Variants in BRINP1 observed in about 807,000 individuals in gnomAD.
The protein encoded by BRINP1 is BMP/retinoic acid inducible neural specific 1, also known as BMP/retinoic acid-inducible neural-specific protein 1.
A neutral mutation model predicts 72.9 loss-of-function variants in BRINP1; 17 were observed. The ratio of observed to expected loss-of-function variants is 0.23; its 90% CI spans 0.16 to 0.35. The LOEUF (loss-of-function observed/expected upper bound fraction) is 0.35. Ranked by LOEUF, BRINP1 falls within the 10% of genes least tolerant of loss-of-function variation. The pLI is 1.00. For missense variants in BRINP1, 850 were observed against 1,001.6 expected (o/e 0.85, Z 2.04); for synonymous variants, 418 against 378.5 (o/e 1.10, Z -1.21).
At chr9:119,367,722 G>A (rs13297085) in intron 1 of BRINP1, among the ~76,000 whole-genome samples, 139 of 152,170 alleles carry the variant, frequency 9.1e-4, no homozygotes, top group Non-Finnish European at 1.7e-3. Context: ...GGTGCAAACC[G>A]ACAGCAGTTT....
intron 1 of BRINP1, among the ~76,000 whole-genome samples, chr9:119,331,593 G>A (rs1309905313): frequency 1.3e-5 from 2 of 152,146 alleles, no homozygotes; most frequent in African/African-American, 2.4e-5. Context: ...GTGTTTCTTT[G>A]TAAATATGTA....
At chr9:119,198,390 C>A (rs546449961) in intron 7 of BRINP1, among the ~76,000 whole-genome samples, 1 of 152,284 alleles carries the variant, frequency 6.6e-6, no homozygotes, top group African/African-American at 2.4e-5. Context: ...CTCTCCATCA[C>A]GCCATGCAGA....
intron 7 of BRINP1, among the ~76,000 whole-genome samples, chr9:119,189,894 A>G (rs537349290): frequency 6.6e-6 from 1 of 152,198 alleles, no homozygotes; most frequent in South Asian, 2.1e-4. Context: ...CACATGGTAC[A>G]TTCTCCAGGA....
chr9:119,185,126 A>G (rs556821759), intron 7 of BRINP1, among the ~76,000 whole-genome samples: 6 of 152,226 alleles, frequency 3.9e-5, no homozygotes, highest in Admixed American at 2.6e-4. Context: ...TAGAATGCAC[A>G]TTGGGGATTA....
chr9:119,196,245 C>A (rs553390053), intron 7 of BRINP1, among the ~76,000 whole-genome samples: 1 of 152,178 alleles, frequency 6.6e-6, no homozygotes, highest in Non-Finnish European at 1.5e-5. Flanking sequence ...CTCAGTTCTA[C>A]TGAATCAAAA....
intron 1 of BRINP1, among the ~76,000 whole-genome samples, chr9:119,359,250 G>T (rs1000937749): frequency 6.6e-6 from 1 of 152,174 alleles, no homozygotes; most frequent in African/African-American, 2.4e-5. Context: ...CTGAATTGCA[G>T]TGGCATGATC....
rs371859158 is a variant in BRINP1 at position 119,242,041 on chromosome 9, C to G, written c.579+6G>C. The G allele has an allele frequency of 7.9e-5, 128 of 1,613,136 alleles. No homozygotes were observed. In the African/African-American group the frequency reaches 1.4e-3, roughly 17 times the overall value. The stretch of plus-strand genomic sequence containing the variant: ...CCTGTCGCCCAAATCCACCCCGGAG[C>G]TGTACCTTGATTGCTCCAGTTGATA... On this transcript the variant is annotated splice_donor_region_variant and intron_variant, in intron 4 of 7. Coordinates refer to ENST00000265922, the MANE Select transcript of BRINP1 (RefSeq NM_014618.3).
At chr9:119,336,353 G>C (rs1232161845) in intron 1 of BRINP1, among the ~76,000 whole-genome samples, 2 of 152,154 alleles carry the variant, frequency 1.3e-5, no homozygotes, top group Non-Finnish European at 2.9e-5. Context: ...TACATACGTT[G>C]ATTTATTTTT....
chr9:119,181,793 A>G (rs1829560968), intron 7 of BRINP1, among the ~76,000 whole-genome samples: 1 of 152,194 alleles, frequency 6.6e-6, no homozygotes, highest in South Asian at 2.1e-4. Context: ...GAATCCAAAA[A>G]GAAAAAAAAA....
chr9:119,317,711 T>C (rs1831139330), intron 1 of BRINP1, among the ~76,000 whole-genome samples: 1 of 152,214 alleles, frequency 6.6e-6, no homozygotes, highest in African/African-American at 2.4e-5. Flanking sequence ...GCAAACCTCA[T>C]TGTTGTCTAA....
chr9:119,269,131 G>A (rs906543030), intron 2 of BRINP1, among the ~76,000 whole-genome samples: 2 of 152,140 alleles, frequency 1.3e-5, no homozygotes, highest in Non-Finnish European at 2.9e-5. Flanking sequence ...GCCACACAGA[G>A]GTGCTCATAA....
chr9:119,213,100 C>T (rs575754813), intron 6 of BRINP1, among the ~76,000 whole-genome samples: 4 of 152,276 alleles, frequency 2.6e-5, no homozygotes, highest in African/African-American at 9.6e-5. Flanking sequence ...CTGTAATCAC[C>T]TTCTCATATC....
At chr9:119,242,316 C>T (rs2118912370) in intron 3 of BRINP1, 100 bp from the exon 4 acceptor site, 3 of 925,476 alleles carry the variant, frequency 3.2e-6, no homozygotes, top group East Asian at 5.2e-5. Flanking sequence ...AATCTCCAAC[C>T]AATGTGGCCC....
intron 2 of BRINP1, among the ~76,000 whole-genome samples, chr9:119,309,497 G>A (rs1831037617): frequency 6.6e-6 from 1 of 152,176 alleles, no homozygotes; most frequent in Non-Finnish European, 1.5e-5. Context: ...GTGTGGCTAT[G>A]AGGAGTTAAT....
intron 5 of BRINP1, 65 bp from the exon 6 acceptor site, chr9:119,214,220 C>T: frequency 8.2e-7 from 1 of 1,218,970 alleles, no homozygotes; most frequent in Non-Finnish European, 1.2e-6. Flanking sequence ...TTAACAATTT[C>T]CAAAGGTGAT....
intron 2 of BRINP1, among the ~76,000 whole-genome samples, chr9:119,288,158 G>A (rs1017653855): frequency 2.0e-5 from 3 of 152,180 alleles, no homozygotes; most frequent in African/African-American, 7.2e-5. Context: ...CATGCAAAAG[G>A]ATTCCTTCCC....
intron 5 of BRINP1, among the ~76,000 whole-genome samples, chr9:119,215,331 G>T (rs1164820192): frequency 5.3e-5 from 8 of 152,182 alleles, no homozygotes; most frequent in Admixed American, 4.6e-4. Context: ...CCTATGAAAA[G>T]TCAGCAGAGT....
intron 1 of BRINP1, among the ~76,000 whole-genome samples, chr9:119,355,124 T>G (rs1370001162): frequency 2.6e-5 from 4 of 152,118 alleles, no homozygotes; most frequent in Non-Finnish European, 5.9e-5. Context: ...GCAAATCACA[T>G]TCATTAAAGA....
At chr9:119,288,940 A>AG (rs1830795484) in intron 2 of BRINP1, among the ~76,000 whole-genome samples, 1 of 152,176 alleles carries the variant, frequency 6.6e-6, no homozygotes. Flanking sequence ...AGCTGGGATT[A>AG]CAGGCATGTG....
Sources: gnomAD v4.1 joint callset for allele counts (sites outside exome capture counted in the v4.1 genomes callset) on GRCh38, gnomAD v4.1.1 for gene constraint, MANE v1.5 for transcripts, NCBI Gene and HGNC (gene_info 2026-07-23, HGNC 2026-07-21) for gene names.